The following FNDC3A variants were observed in gnomAD, a reference collection of about 807,000 sequenced individuals.
FNDC3A encodes fibronectin type-III domain-containing protein 3A.
A neutral mutation model predicts 148.9 loss-of-function variants in FNDC3A; 32 were observed. The ratio of observed to expected loss-of-function variants is 0.21; its 90% CI spans 0.16 to 0.29. The LOEUF is 0.29. FNDC3A is among the 10% of genes least tolerant of loss of function. The pLI is 1.00. For missense variants in FNDC3A, 1,191 were observed against 1,452.8 expected, an observed-to-expected ratio of 0.82 and a Z score of 2.93; for synonymous variants, 472 against 473.6, an observed-to-expected ratio of 1.00 and a Z score of 0.04.
In FNDC3A at chr13:49,187,593, A is replaced by G. The variant is rs960797836; in HGVS notation, c.1825+403A>G. 55 of 1,609,860 alleles carry G rather than the reference A, an allele frequency of 3.4e-5. No homozygotes were observed. In the South Asian group the frequency reaches 5.6e-4, roughly 16 times the overall value. On this transcript the variant is annotated intron_variant, in intron 16 of 25. Transcript: ENST00000492622. ...ACTTGTTTTCCACTGAAAATGGCAAATTCTTCCCAGGGCCCTCCTCACAGT... is the reference window on the plus strand; with the variant it reads ...ACTTGTTTTCCACTGAAAATGGCAAGTTCTTCCCAGGGCCCTCCTCACAGT...
intron 2 of FNDC3A, among the ~76,000 whole-genome samples, chr13:49,068,215 T>G: frequency 6.6e-6 from 1 of 151,304 alleles, no homozygotes; most frequent in Non-Finnish European, 1.5e-5. Context: ...TGTGTGTAAT[T>G]TAGCCAGGCA....
intron 1 of FNDC3A, among the ~76,000 whole-genome samples, chr13:49,003,717 A>C (rs1952170395): frequency 6.6e-6 from 1 of 152,180 alleles, no homozygotes; most frequent in African/African-American, 2.4e-5. Flanking sequence ...CTGACATTTA[A>C]AACAACATTG....
intron 3 of FNDC3A, among the ~76,000 whole-genome samples, chr13:49,082,468 G>A (rs1186483968): frequency 2.0e-5 from 3 of 152,128 alleles, no homozygotes; most frequent in East Asian, 3.9e-4. Context: ...TCTAGGTACT[G>A]TATAGTGTGT....
At chr13:49,011,627 C>A (rs1297145613) in intron 2 of FNDC3A, among the ~76,000 whole-genome samples, 1 of 152,008 alleles carries the variant, frequency 6.6e-6, no homozygotes, top group East Asian at 1.9e-4. Flanking sequence ...TTTCTTCTCT[C>A]TCTACAAAAA....
Position 49,058,370 on chromosome 13 carries a change from C to T in FNDC3A, c.100-16919C>T, listed in dbSNP as rs577720334. Among the ~76,000 whole-genome samples the T allele has an allele frequency of 3.3e-5, 5 of 152,220 alleles. No homozygotes were observed. The South Asian group carries it at 1.0e-3, about 32-fold the overall frequency. ...ATTAGGTCAGGGGTCGATCTAACTACCAGGCCCAGGGTGTGGTGCAGGGCT... is the reference window on the plus strand; with the variant it reads ...ATTAGGTCAGGGGTCGATCTAACTATCAGGCCCAGGGTGTGGTGCAGGGCT... On this transcript the variant is annotated intron_variant, in intron 2 of 25. Coordinates refer to ENST00000492622, the MANE Select transcript of FNDC3A (RefSeq NM_001079673.2).
intron 2 of FNDC3A, among the ~76,000 whole-genome samples, chr13:49,064,351 T>G (rs1365247628): frequency 6.7e-6 from 1 of 148,302 alleles, no homozygotes; most frequent in Non-Finnish European, 1.5e-5. Context: ...AAAAAAAAAG[T>G]AGTCTGTGGA....
intron 20 of FNDC3A, among the ~76,000 whole-genome samples, chr13:49,197,224 G>A (rs1395423905): frequency 3.3e-5 from 5 of 152,062 alleles, no homozygotes; most frequent in Non-Finnish European, 7.4e-5. Flanking sequence ...TTTATGAATG[G>A]CTTTGTCTCA....
chr13:49,002,983 A>G (rs1349343193), intron 1 of FNDC3A, among the ~76,000 whole-genome samples: 8 of 152,178 alleles, frequency 5.3e-5, no homozygotes, highest in African/African-American at 1.9e-4. Context: ...TAAGTGATTT[A>G]CGAATTTTCA....
At chr13:49,020,729 T>C (rs1873262483) in intron 2 of FNDC3A, among the ~76,000 whole-genome samples, 1 of 152,228 alleles carries the variant, frequency 6.6e-6, no homozygotes, top group Admixed American at 6.5e-5. Flanking sequence ...CTGAGGCAAG[T>C]AATGCATTAT....
At chr13:49,161,183 T>C (rs1414187124) in intron 8 of FNDC3A, among the ~76,000 whole-genome samples, 1 of 152,132 alleles carries the variant, frequency 6.6e-6, no homozygotes, top group Non-Finnish European at 1.5e-5. Context: ...CTTGTTAACT[T>C]TCTGTCTTGT....
At chr13:49,201,144 CA>C in intron 23 of FNDC3A, 2 of 294,562 alleles carry the variant, frequency 6.8e-6, no homozygotes, top group Non-Finnish European at 6.8e-6. Context: ...AACATCCAAT[CA>C]AAAATAATGG....
At chr13:49,119,925 T>C (rs1341086910) in intron 4 of FNDC3A, among the ~76,000 whole-genome samples, 1 of 152,158 alleles carries the variant, frequency 6.6e-6, no homozygotes, top group Non-Finnish European at 1.5e-5. Context: ...TTCAGGATAT[T>C]ATCCAGGAGA....
intron 2 of FNDC3A, among the ~76,000 whole-genome samples, chr13:49,057,638 C>G (rs1168110221): frequency 6.6e-6 from 1 of 152,114 alleles, no homozygotes; most frequent in African/African-American, 2.4e-5. Context: ...CTAACATGTT[C>G]TAATATACTT....
chr13:49,165,303 A>G (rs915411881), intron 8 of FNDC3A, among the ~76,000 whole-genome samples: 10 of 152,062 alleles, frequency 6.6e-5, no homozygotes, highest in African/African-American at 2.2e-4. Context: ...ACTTCTTTCA[A>G]TTTTTTGAGG....
At chr13:49,097,901 T>C (rs1252052376) in intron 3 of FNDC3A, among the ~76,000 whole-genome samples, 1 of 152,112 alleles carries the variant, frequency 6.6e-6, no homozygotes, top group Non-Finnish European at 1.5e-5. Context: ...TACAGTAAAT[T>C]GTAAGGCCAT....
intron 1 of FNDC3A, among the ~76,000 whole-genome samples, chr13:48,990,563 G>T (rs1951895606): frequency 9.2e-6 from 1 of 108,802 alleles, no homozygotes; most frequent in Non-Finnish European, 1.7e-5. Context: ...ACCAGCCTGG[G>T]CAACATGGTG....
chr13:48,977,306 C>T lies in FNDC3A; in HGVS notation c.-40+1129C>T, dbSNP rs571854509. Among the ~76,000 whole-genome samples, 49 of 152,218 alleles carry T rather than the reference C, an allele frequency of 3.2e-4. No individual in the cohort carries two copies. In the South Asian group the frequency reaches 9.9e-3, roughly 31 times the overall value. ...AGTTCTTGAAACCAAAGTGTGTATG[C>T]TTCTGTATTGTAGGAATGAAATAAC... On this transcript the variant is annotated intron_variant, in intron 1 of 25. Transcript: ENST00000492622.
intron 2 of FNDC3A, among the ~76,000 whole-genome samples, chr13:49,073,757 A>T (rs866556724): frequency 2.1e-3 from 277 of 134,272 alleles, no homozygotes; most frequent in African/African-American, 8.2e-3. Flanking sequence ...GTGTATATAT[A>T]ATATATATGT....
intron 4 of FNDC3A, among the ~76,000 whole-genome samples, chr13:49,114,945 G>A (rs1168193578): frequency 1.3e-5 from 2 of 152,110 alleles, no homozygotes; most frequent in African/African-American, 4.8e-5. Context: ...GTCTTTGGGT[G>A]TTAAGTCACA....
Sources: gnomAD v4.1 joint callset for allele counts (sites outside exome capture counted in the v4.1 genomes callset) on GRCh38, gnomAD v4.1.1 for gene constraint, MANE v1.5 for transcripts, NCBI Gene and HGNC (gene_info 2026-07-23, HGNC 2026-07-21) for gene names.